VIRMA: variants seen among roughly 807,000 people sequenced by gnomAD.
VIRMA encodes vir like m6A methyltransferase associated.
In VIRMA, 65 loss-of-function variants were observed where a neutral mutation model predicts 182.4. That is an observed-to-expected ratio of 0.36 (90% CI 0.29 to 0.44). The LOEUF (loss-of-function observed/expected upper bound fraction) is 0.44, where lower values mean the gene tolerates loss of function less well. Among genes scored for constraint, VIRMA ranks in the 20% least tolerant of loss-of-function variants. The pLI, the probability that VIRMA is intolerant of heterozygous loss-of-function variation, is 1.00. For synonymous variants in VIRMA, 709 were observed against 743.1 expected, an observed-to-expected ratio of 0.95 and a Z score of 0.75; for missense variants, 1,752 against 2,158.1, an observed-to-expected ratio of 0.81 and a Z score of 3.73.
chr8:94,525,807 G>A (rs914291590), intron 8 of VIRMA, among the ~76,000 whole-genome samples: 1 of 152,184 alleles, frequency 6.6e-6, no homozygotes, highest in Non-Finnish European at 1.5e-5. Context: ...AACCAGCACT[G>A]TAAAATTAAG....
chr8:94,520,282 C>T (rs576501920), intron 8 of VIRMA, among the ~76,000 whole-genome samples: 21 of 151,018 alleles, frequency 1.4e-4, no homozygotes, highest in Non-Finnish European at 2.5e-4. Context: ...ATCACTTGAG[C>T]GCAGTAATTT....
intron 21 of VIRMA, among the ~76,000 whole-genome samples, 194 bp from the exon 22 acceptor site, chr8:94,492,103 C>A (rs1166967155): frequency 1.3e-5 from 2 of 152,044 alleles, no homozygotes; most frequent in African/African-American, 2.4e-5. Flanking sequence ...TTATGAATAA[C>A]AATGTTTTAA....
chr8:94,514,895 G>T lies in VIRMA; in HGVS notation c.2725C>A (p.Pro909Thr). ...TGCTTAACATACTCAATTAAGTTTG[G>T]GATGCAGTTAATTTCAAATCTAAGG... ...KNLRFEINCIPNLIEYVKQNI... is the reference protein window; with the variant it reads ...KNLRFEINCITNLIEYVKQNI... The change falls in exon 11 of 24, where the codon CCA (proline) becomes ACA (threonine). Residue 909 changes from proline to threonine, a missense_variant. By Grantham distance (38) the Pro-to-Thr change is conservative. This residue lies in a region of VIRMA where 777 missense variants were observed against 920.6 expected (regional missense o/e 0.84). Transcript: ENST00000297591. The T allele has an allele frequency of 6.3e-7, 1 of 1,586,064 alleles. No homozygotes were observed. Among genetic ancestry groups the T allele is most frequent in the South Asian group, 1.2e-5 (1 of 85,716 alleles).
chr8:94,506,561 T>A lies in VIRMA; in HGVS notation c.4036A>T (p.Thr1346Ser), dbSNP rs1214314988. The stretch of plus-strand genomic sequence containing the variant: ...AGAAACATCATTGTTCTGACACATG[T>A]CAGTAAACAGTTGTAACTGCTCTCA... ...NSESSYNCLL[T>S]CVRTMMFLAE... The change falls in exon 16 of 24, where the codon ACA becomes TCA. Residue 1346 changes from threonine to serine, a missense_variant. Coordinates refer to ENST00000297591, the MANE Select transcript of VIRMA (RefSeq NM_015496.5). 1 of 1,613,616 alleles carries A rather than the reference T, an allele frequency of 6.2e-7. No individual in the cohort carries two copies. Among genetic ancestry groups the A allele is most frequent in the African/African-American group, 1.3e-5 (1 of 74,906 alleles).
In VIRMA at chr8:94,495,899, C is replaced by T. The variant is rs1813757457; in HGVS notation, c.4384-8G>A. 1 of 1,608,672 alleles carries T rather than the reference C, an allele frequency of 6.2e-7. No individual in the cohort carries two copies. The highest frequency in any genetic ancestry group is 1.3e-5 in the African/African-American group (1 of 74,792). ...ATCATCTTTTGAATGTTCCTAGATA[C>T]AAATAAAGGCAGAATAAGAAGGTGC... On this transcript the variant is annotated splice_polypyrimidine_tract_variant and splice_region_variant and intron_variant, in intron 18 of 23. Transcript: ENST00000297591.
intron 15 of VIRMA, among the ~76,000 whole-genome samples, chr8:94,509,116 T>C (rs1220136556): frequency 6.6e-6 from 1 of 152,162 alleles, no homozygotes; most frequent in Non-Finnish European, 1.5e-5. Flanking sequence ...AATGACTTGG[T>C]GTAGCCAGGC....
Position 94,514,849 on chromosome 8 carries a change from C to A in VIRMA, c.2751+20G>T, listed in dbSNP as rs79403712. ...CACACAGTTTCAAAAAGTCAAAGCA[C>A]TTTTAAGTTTTACACTTACCTGCTT... On this transcript the variant is annotated intron_variant, in intron 11 of 23. Transcript: ENST00000297591. 91,067 of 1,360,836 alleles carry A rather than the reference C, an allele frequency of 0.067. 3,389 individuals are homozygous for A. The highest frequency in any genetic ancestry group is 0.075 in the South Asian group (5,699 of 76,140). The allele number at this position is 1,360,836 out of a possible 1,614,324, so 84.3% of individuals were successfully genotyped here. A position where few individuals can be genotyped will look rare whatever the true frequency, so the allele number is the denominator to read the frequency against.
Position 94,526,248 on chromosome 8 carries a change from C to A in VIRMA, c.1996G>T (p.Asp666Tyr), listed in dbSNP as rs760644212. ...CTAAAGAGAACAGGGTATGGATCAT[C>A]CCTCTCTGGAGGTCCAGTAATTCGT... The part of the protein sequence containing the change: ...MARITGPPER[D>Y]DPYPVLFRYL... Residue 666 changes from aspartate (D) to tyrosine (Y), a missense_variant, in exon 8 of 24, where the codon GAT becomes TAT. By Grantham distance (160) the Asp-to-Tyr change is radical (BLOSUM62 -3). Coordinates refer to ENST00000297591, the MANE Select transcript of VIRMA (RefSeq NM_015496.5). The A allele has an allele frequency of 6.2e-7, 1 of 1,612,466 alleles. No homozygotes were observed. Among genetic ancestry groups the A allele is most frequent in the Non-Finnish European group, 8.5e-7 (1 of 1,179,254 alleles).
intron 19 of VIRMA, among the ~76,000 whole-genome samples, chr8:94,495,286 G>C (rs1332683946): frequency 1.3e-5 from 2 of 152,130 alleles, no homozygotes; most frequent in Admixed American, 1.3e-4. Context: ...TTATAGTCGT[G>C]AGCCAATATG....
At position 94,527,068 on chromosome 8, in the gene VIRMA, A is replaced by G. The variant is rs1485644312; in HGVS notation, c.1176T>C (p.Tyr392=). 6.2e-7 allele frequency: 1 copy of G among 1,614,156 alleles called. No individual in the cohort carries two copies. Among genetic ancestry groups the G allele is most frequent in the Non-Finnish European group, 8.5e-7 (1 of 1,180,014 alleles). The change falls in exon 8 of 24, where the codon TAT becomes TAC. Residue 392 remains tyrosine, a synonymous_variant. Transcript: ENST00000297591. ...CCCATTTTGCACCTCTATCTTCTCT[A>G]TACAAATCTAAGAGTTCTGTTAACT... is the stretch of plus-strand genomic sequence containing the variant. ...SVKLTELLDL[Y]REDRGAKWVT... is the part of the protein sequence containing the mutation.
chr8:94,501,182 G>C (rs1031145272), intron 16 of VIRMA, among the ~76,000 whole-genome samples: 1 of 148,690 alleles, frequency 6.7e-6, no homozygotes, highest in Non-Finnish European at 1.5e-5. Flanking sequence ...CTTGAACCCA[G>C]GAGGCGCAGG....
In VIRMA at chr8:94,527,315, T is replaced by A. The variant is rs1344567534; in HGVS notation, c.929A>T (p.Asp310Val). 1.3e-6 allele frequency: 2 copies of A among 1,595,742 alleles called. No homozygotes were observed. Among genetic ancestry groups the A allele is most frequent in the South Asian group, 2.3e-5 (2 of 88,178 alleles). The part of the protein sequence containing the change: ...QISSDEDGIA[D>V]LERETFKYPN... ...ATACTTAAATGTTTCACGTTCCAAG[T>A]CAGCAATTCCATCTTCATCACTGGA... The change falls in exon 8 of 24, where the codon GAC becomes GTC. Residue 310 changes from aspartate (D) to valine (V), a missense_variant. By Grantham distance (152) the Asp-to-Val change is radical (BLOSUM62 -3). Coordinates refer to ENST00000297591, the MANE Select transcript of VIRMA (RefSeq NM_015496.5).
At chr8:94,493,162 C>A (rs1393843130) in intron 20 of VIRMA, among the ~76,000 whole-genome samples, 1 of 152,148 alleles carries the variant, frequency 6.6e-6, no homozygotes, top group Non-Finnish European at 1.5e-5. Flanking sequence ...CTGAAAATAA[C>A]ATACTCTGCC....
At chr8:94,495,009 AT>A (rs112365062) in intron 19 of VIRMA, 53 bp from the exon 20 acceptor site, 14,336 of 1,013,024 alleles carry the variant, frequency 0.014, no homozygotes, top group East Asian at 0.023. Flanking sequence ...TCAAATTTCA[AT>A]TTTTTTTTTT....
chr8:94,495,608 C>T (rs959246119), intron 19 of VIRMA, 123 bp downstream of exon 19: 2 of 603,898 alleles, frequency 3.3e-6, no homozygotes, highest in African/African-American at 3.9e-5. Context: ...GGCTGTATGG[C>T]CTGCAAAGCC....
rs370063906 is a variant in VIRMA, at chr8:94,529,200, T to A, written c.750A>T (p.Glu250Asp). 52 of 1,485,676 alleles carry A rather than the reference T, an allele frequency of 3.5e-5. No homozygotes were observed. In the East Asian group the frequency reaches 4.8e-4, roughly 14 times the overall value. 92.0% of individuals were successfully genotyped at this position (1,485,676 alleles called of 1,614,324 possible). ...CCTCTACATCCACATCATCTTCATC[T>A]TCTTCTCCTTCTTCTTGTTGTTCCT... ...VEEEQQEEGE[E>D]DEDDVDVEEE... Residue 250 changes from glutamate (E) to aspartate (D), a missense_variant, in exon 7 of 24, where the codon GAA (glutamate) becomes GAT (aspartate). By Grantham distance (45) the Glu-to-Asp change is conservative. Coordinates refer to ENST00000297591, the MANE Select transcript of VIRMA (RefSeq NM_015496.5).
At chr8:94,507,998 A>T (rs1241391040) in intron 15 of VIRMA, among the ~76,000 whole-genome samples, 20 of 142,926 alleles carry the variant, frequency 1.4e-4, no homozygotes, top group African/African-American at 4.5e-4. Context: ...TATATATATA[A>T]GTATATATAT....
At chr8:94,545,980 C>CTCTTGCAATTTCACTGCAAGTCCCA (rs1563483388) in intron 1 of VIRMA, among the ~76,000 whole-genome samples, 2 of 151,288 alleles carry the variant, frequency 1.3e-5, no homozygotes, top group African/African-American at 4.9e-5. Flanking sequence ...TCACTTATGC[C>CTCTTGCAATTTCACTGCAAGTCCCA]CAGGAGGTCA....
At chr8:94,551,908 CAG>C (rs1816000517) in intron 1 of VIRMA, among the ~76,000 whole-genome samples, 1 of 152,134 alleles carries the variant, frequency 6.6e-6, no homozygotes, top group African/African-American at 2.4e-5. Flanking sequence ...TTTGTAGAGA[CAG>C]GGGTTGCACT....
Sources: allele counts gnomAD v4.1 joint callset (sites outside exome capture counted in the v4.1 genomes callset), GRCh38; gene constraint gnomAD v4.1.1; regional missense constraint gnomAD v4.1.1; transcripts MANE v1.5; gene names NCBI Gene and HGNC (gene_info 2026-07-23, HGNC 2026-07-21).